Variants in PIBF1 observed in about 807,000 individuals in gnomAD.
PIBF1 encodes progesterone-induced-blocking factor 1.
PIBF1 carries 90 observed loss-of-function variants against 112.5 expected under a neutral mutation model. The observed-to-expected ratio is 0.80, with a 90% confidence interval of 0.67 to 0.95. PIBF1 has a LOEUF of 0.95. PIBF1 is among the 40% of genes least tolerant of loss of function. PIBF1 has a pLI of 0.00. For missense variants in PIBF1, 915 were observed against 852.3 expected, an observed-to-expected ratio of 1.07 and a Z score of -0.92; for synonymous variants, 301 against 288.6, an observed-to-expected ratio of 1.04 and a Z score of -0.44.
At chr13:72,968,727 CT>C (rs1204981832) in intron 15 of PIBF1, among the ~76,000 whole-genome samples, 1 of 151,134 alleles carries the variant, frequency 6.6e-6, no homozygotes, top group African/African-American at 2.4e-5. Context: ...TTTAATTGCC[CT>C]AGTGGCCAAT....
At position 72,990,380 on chromosome 13, in the gene PIBF1, G is replaced by T. The variant is rs558081636; in HGVS notation, c.2050-8442G>T. The stretch of plus-strand genomic sequence containing the variant: ...TACTAAAAATACAAAAATTAGCCAG[G>T]TATGGTGGTGTGCACCTGTAGTCCC... On this transcript the variant is annotated intron_variant, in intron 16 of 17. Coordinates refer to ENST00000326291, the MANE Select transcript of PIBF1 (RefSeq NM_006346.4). Among the ~76,000 whole-genome samples the T allele has an allele frequency of 5.6e-3, 841 of 150,992 alleles. 10 individuals carry two copies. Among genetic ancestry groups the T allele is most frequent in the African/African-American group, 0.02 (811 of 41,062 alleles).
chr13:73,006,081 A>AG (rs71105903), intron 17 of PIBF1, among the ~76,000 whole-genome samples: 97,657 of 151,628 alleles, frequency 0.64, 32,930 homozygotes, highest in East Asian at 0.84. Context: ...CACCATGCCC[A>AG]ATAATTTTTG....
chr13:72,806,285 A>C (rs939955627), intron 5 of PIBF1, among the ~76,000 whole-genome samples: 3 of 151,992 alleles, frequency 2.0e-5, no homozygotes, highest in African/African-American at 4.8e-5. Flanking sequence ...ATATGAGTAG[A>C]GTCCTACAGT....
chr13:72,797,358 A>C (rs1208889070), intron 4 of PIBF1, among the ~76,000 whole-genome samples: 4 of 152,216 alleles, frequency 2.6e-5, no homozygotes, highest in Non-Finnish European at 5.9e-5. Context: ...CAACACAGGC[A>C]ATAACTTAAA....
intron 9 of PIBF1, among the ~76,000 whole-genome samples, chr13:72,851,503 G>A (rs1253615331): frequency 6.6e-6 from 1 of 152,208 alleles, no homozygotes; most frequent in African/African-American, 2.4e-5. Flanking sequence ...TGGCCAAAGT[G>A]GGGGATGAGG....
chr13:72,826,028 A>AC (rs2036794875), intron 6 of PIBF1, among the ~76,000 whole-genome samples: 1 of 150,194 alleles, frequency 6.7e-6, no homozygotes, highest in Admixed American at 6.7e-5. Flanking sequence ...ACATAGCAAG[A>AC]CCCCCATCTC....
At chr13:72,877,175 G>C (rs2039444647) in intron 10 of PIBF1, among the ~76,000 whole-genome samples, 1 of 152,106 alleles carries the variant, frequency 6.6e-6, no homozygotes. Context: ...TGATGTGATG[G>C]ATCACATTAA....
intron 10 of PIBF1, among the ~76,000 whole-genome samples, 191 bp from the exon 11 acceptor site, chr13:72,893,593 A>G (rs1409940484): frequency 6.6e-6 from 1 of 152,132 alleles, no homozygotes; most frequent in Non-Finnish European, 1.5e-5. Context: ...AAGTTAATTG[A>G]TATGTTCACT....
At chr13:72,832,405 A>G (rs972815160) in intron 8 of PIBF1, among the ~76,000 whole-genome samples, 13 of 152,114 alleles carry the variant, frequency 8.5e-5, no homozygotes, top group African/African-American at 2.4e-4. Flanking sequence ...GGCTGGTACC[A>G]GTTGTTCCTT....
At chr13:72,835,163 G>T in intron 8 of PIBF1, 80 bp from the exon 9 acceptor site, 1 of 923,358 alleles carries the variant, frequency 1.1e-6, no homozygotes, top group Non-Finnish European at 1.5e-6. Flanking sequence ...TTGATAAAAG[G>T]TATTAAAATC....
chr13:73,005,331 G>A (rs970278309), intron 17 of PIBF1, among the ~76,000 whole-genome samples: 6 of 150,840 alleles, frequency 4.0e-5, no homozygotes, highest in Non-Finnish European at 7.4e-5. Flanking sequence ...AAATTAGCCA[G>A]GCATGGTGGT....
rs184293620 is a variant in PIBF1, at chr13:72,912,302, T to C, written c.1639+3621T>C. Among the ~76,000 whole-genome samples the C allele has an allele frequency of 2.0e-5, 3 of 152,200 alleles. No homozygotes were observed. The East Asian group carries it at 5.8e-4, about 29-fold the overall frequency. On this transcript the variant is annotated intron_variant, in intron 12 of 17. Transcript: ENST00000326291. ...AGTAGGAAATTAATGTACCAGAATATATATTTAAAAATTCATGTAACTCAG... is the reference window on the plus strand; with the variant it reads ...AGTAGGAAATTAATGTACCAGAATACATATTTAAAAATTCATGTAACTCAG...
At chr13:72,923,081 A>T (rs2041355145) in intron 13 of PIBF1, among the ~76,000 whole-genome samples, 1 of 152,198 alleles carries the variant, frequency 6.6e-6, no homozygotes, top group Admixed American at 6.5e-5. Flanking sequence ...ACTGAGAAAG[A>T]TCAAATAACT....
At chr13:73,007,701 C>T (rs902320188) in intron 17 of PIBF1, among the ~76,000 whole-genome samples, 3 of 151,180 alleles carry the variant, frequency 2.0e-5, no homozygotes, top group Non-Finnish European at 4.4e-5. Context: ...CCTAGCTACT[C>T]GGGAGGCTGA....
At chr13:72,935,456 T>C (rs1251481077) in intron 14 of PIBF1, among the ~76,000 whole-genome samples, 1 of 152,252 alleles carries the variant, frequency 6.6e-6, no homozygotes, top group African/African-American at 2.4e-5. Flanking sequence ...CACTTGTTGA[T>C]GGACATTGGA....
chr13:72,884,470 G>A (rs1456523304), intron 10 of PIBF1: 1 of 152,112 alleles, frequency 6.6e-6, no homozygotes, highest in Admixed American at 6.5e-5. Flanking sequence ...TTCTGCAAGG[G>A]GAGGACATAA....
At chr13:72,784,625 G>C (rs1566264042) in intron 2 of PIBF1, among the ~76,000 whole-genome samples, 1 of 151,766 alleles carries the variant, frequency 6.6e-6, no homozygotes, top group Non-Finnish European at 1.5e-5. Flanking sequence ...CCGCGTAGTG[G>C]TGCTGCGCCT....
chr13:72,874,298 T>C (rs1419550417), intron 10 of PIBF1, among the ~76,000 whole-genome samples: 1 of 152,150 alleles, frequency 6.6e-6, no homozygotes, highest in Non-Finnish European at 1.5e-5. Context: ...AAGACTTCTG[T>C]GTAAATGTTT....
intron 10 of PIBF1, among the ~76,000 whole-genome samples, chr13:72,891,654 T>G (rs1197731083): frequency 6.6e-6 from 1 of 152,046 alleles, no homozygotes; most frequent in Admixed American, 6.6e-5. Context: ...TTGGGCAGTT[T>G]CTCAAAAAGT....
Sources: gnomAD v4.1 joint callset for allele counts (sites outside exome capture counted in the v4.1 genomes callset) on GRCh38, gnomAD v4.1.1 for gene constraint, MANE v1.5 for transcripts, NCBI Gene and HGNC (gene_info 2026-07-23, HGNC 2026-07-21) for gene names.